CAMK2B: variants seen among roughly 807,000 people sequenced by gnomAD.
The protein encoded by CAMK2B is calcium/calmodulin dependent protein kinase II beta.
In CAMK2B, 27 loss-of-function variants were observed where a neutral mutation model predicts 93.7. The observed-to-expected ratio is 0.29, with a 90% CI of 0.21 to 0.40. The LOEUF (loss-of-function observed/expected upper bound fraction) is 0.40, where lower values mean the gene tolerates loss of function less well. CAMK2B is among the 10% of genes least tolerant of loss of function. The probability of loss-of-function intolerance (pLI) is 1.00; values close to 1 mark genes in which losing one functional copy is unlikely to be tolerated. For missense variants in CAMK2B, 568 were observed against 895.8 expected (o/e 0.63, Z 4.67); for synonymous variants, 374 against 358.8 (o/e 1.04, Z -0.48).
Position 44,248,945 on chromosome 7 carries a change from C to A in CAMK2B, c.342-1753G>T, listed in dbSNP as rs995516076. Among the ~76,000 whole-genome samples, 1 of 152,070 alleles carries A rather than the reference C, an allele frequency of 6.6e-6. No individual in the cohort carries two copies. The highest frequency in any genetic ancestry group is 1.5e-5 in the Non-Finnish European group (1 of 68,004). ...CAATCCTATCTCCTTGCTCCATATG[C>A]CCTGGGGTGTCCTGCCTTCCCTCCT... On this transcript the variant is annotated intron_variant, in intron 5 of 23. Coordinates refer to ENST00000395749, the MANE Select transcript of CAMK2B (RefSeq NM_001220.5). The surrounding 1 kb of genome is among the most constrained non-coding windows in gnomAD (Gnocchi z 4.1).
intron 13 of CAMK2B, 115 bp from the exon 14 acceptor site, chr7:44,234,791 G>A: frequency 1.7e-6 from 2 of 1,148,336 alleles, no homozygotes; most frequent in Non-Finnish European, 2.6e-6. Flanking sequence ...CCAGGGTCCT[G>A]AGGCAAGTGT....
At chr7:44,251,763 G>T (rs141849064) in intron 5 of CAMK2B, among the ~76,000 whole-genome samples, 33 of 152,334 alleles carry the variant, frequency 2.2e-4, no homozygotes, top group African/African-American at 7.5e-4. Context: ...GGTGCCCTCC[G>T]CATCGGGAGT....
intron 19 of CAMK2B, among the ~76,000 whole-genome samples, chr7:44,228,284 G>C (rs1358613820): frequency 6.6e-6 from 1 of 152,042 alleles, no homozygotes; most frequent in East Asian, 1.9e-4. Flanking sequence ...GTGAGCTCCA[G>C]AGACCCTGGT....
chr7:44,310,309 G>C (rs960438193), intron 1 of CAMK2B, among the ~76,000 whole-genome samples: 8 of 152,238 alleles, frequency 5.3e-5, no homozygotes, highest in African/African-American at 1.9e-4. Context: ...TTTGGGGCAA[G>C]TCTCAGAAGA....
At chr7:44,313,064 A>G (rs1159962346) in intron 1 of CAMK2B, among the ~76,000 whole-genome samples, 1 of 152,090 alleles carries the variant, frequency 6.6e-6, no homozygotes, top group Non-Finnish European at 1.5e-5. Flanking sequence ...CTTCCTCAGC[A>G]GCGGCCTTGT....
chr7:44,240,661 A>C, intron 12 of CAMK2B, 46 bp downstream of exon 12: 1 of 1,603,354 alleles, frequency 6.2e-7, no homozygotes, highest in Non-Finnish European at 8.5e-7. Flanking sequence ...TGCGTGGGCC[A>C]GCAGGGAGGG....
chr7:44,313,845 G>A (rs769958314), intron 1 of CAMK2B, among the ~76,000 whole-genome samples: 1 of 151,138 alleles, frequency 6.6e-6, no homozygotes, highest in Non-Finnish European at 1.5e-5. Context: ...TAGAGATGCT[G>A]TCATCCGGCA....
intron 1 of CAMK2B, 85 bp from the exon 2 acceptor site, chr7:44,284,310 A>C: frequency 2.1e-6 from 2 of 948,678 alleles, no homozygotes; most frequent in Non-Finnish European, 3.3e-6. Flanking sequence ...CCCCATAAAC[A>C]CTCCCCATTA....
At chr7:44,239,556 G>A (rs779263548) in intron 13 of CAMK2B, 33 bp downstream of exon 13, 1 of 1,523,146 alleles carries the variant, frequency 6.6e-7, no homozygotes, top group Non-Finnish European at 8.9e-7. Flanking sequence ...GGACGGGCGG[G>A]AGCGGGCGGG....
At chr7:44,249,742 C>T (rs1046889244) in intron 5 of CAMK2B, among the ~76,000 whole-genome samples, 1 of 152,106 alleles carries the variant, frequency 6.6e-6, no homozygotes. Context: ...CTGCTGAGGG[C>T]GAGAGTTGAA....
intron 15 of CAMK2B, among the ~76,000 whole-genome samples, chr7:44,233,482 C>T (rs1412234358): frequency 2.6e-5 from 4 of 152,126 alleles, no homozygotes; most frequent in African/African-American, 2.4e-5. Context: ...CCAGTATTCC[C>T]GTGGGCGGTC....
intron 2 of CAMK2B, 151 bp from the exon 3 acceptor site, chr7:44,263,215 C>T (rs1191366100): frequency 6.2e-6 from 4 of 641,730 alleles, no homozygotes; most frequent in Non-Finnish European, 1.0e-5. Context: ...CTTCGTGGCA[C>T]CCCCTGGGCC....
At chr7:44,232,691 G>A (rs996786916) in intron 16 of CAMK2B, 131 bp downstream of exon 16, 21 of 829,492 alleles carry the variant, frequency 2.5e-5, no homozygotes, top group Non-Finnish European at 3.3e-5. Context: ...GGGCCCTACC[G>A]TACTGCGGGG....
chr7:44,242,399 A>G (rs2096688761), intron 9 of CAMK2B, 59 bp from the exon 10 acceptor site: 1 of 1,589,224 alleles, frequency 6.3e-7, no homozygotes, highest in African/African-American at 1.3e-5. Flanking sequence ...CAGGGGCAAG[A>G]ATTCTCCAAG....
rs117331519 is a variant in CAMK2B, at chr7:44,312,910, G to C, written c.65+12447C>G. ...GAGGGGTGTTCTCCGTCAGTCCCTG[G>C]GGCTGTTATGATGAAAGGATGGGGA... On this transcript the variant is annotated intron_variant, in intron 1 of 23. Coordinates refer to ENST00000395749, the MANE Select transcript of CAMK2B (RefSeq NM_001220.5). This position sits in a 1 kb window ranked among gnomAD's most constrained non-coding sequence, Gnocchi z 4.1. Among the ~76,000 whole-genome samples, 2 of 152,142 alleles carry C rather than the reference G, an allele frequency of 1.3e-5. No individual in the cohort carries two copies. Among genetic ancestry groups the C allele is most frequent in the Non-Finnish European group, 2.9e-5 (2 of 68,018 alleles).
intron 2 of CAMK2B, among the ~76,000 whole-genome samples, chr7:44,280,065 G>A (rs150819893): frequency 1.8e-4 from 27 of 152,326 alleles, no homozygotes; most frequent in Admixed American, 1.4e-3. Context: ...CCTGTTACAT[G>A]AGTGAGAGTC....
At chr7:44,324,261 A>AGCACCGCCAGCGCCC (rs1796895990) in intron 1 of CAMK2B, among the ~76,000 whole-genome samples, 1 of 152,246 alleles carries the variant, frequency 6.6e-6, no homozygotes, top group Non-Finnish European at 1.5e-5. Flanking sequence ...AAATCTCGCC[A>AGCACCGCCAGCGCCC]GCACCGCCAG....
rs530052612 is a variant in CAMK2B, at chr7:44,313,023, G to A, written c.65+12334C>T. On this transcript the variant is annotated intron_variant, in intron 1 of 23. Transcript: ENST00000395749. ...ACAGGCTCAGCCACATTAATTTCCA[G>A]GGAGACAGCAGGACCCTCGGGGCTG... Among the ~76,000 whole-genome samples, 3 of 152,220 alleles carry A rather than the reference G, an allele frequency of 2.0e-5. No individual in the cohort carries two copies. The East Asian group carries it at 5.8e-4, about 29-fold the overall frequency.
chr7:44,232,312 T>A (rs2128925900), intron 16 of CAMK2B, among the ~76,000 whole-genome samples: 1 of 152,034 alleles, frequency 6.6e-6, no homozygotes, highest in Admixed American at 6.5e-5. Context: ...GCTGGCCCCA[T>A]CCCTCCCACC....
Sources: allele counts gnomAD v4.1 joint callset (sites outside exome capture counted in the v4.1 genomes callset), GRCh38; gene constraint gnomAD v4.1.1; non-coding constraint Gnocchi (gnomAD v3.1); transcripts MANE v1.5; gene names NCBI Gene and HGNC (gene_info 2026-07-23, HGNC 2026-07-21).